Variants in KIAA2012 observed in about 807,000 individuals in gnomAD.
KIAA2012 encodes uncharacterized protein KIAA2012.
In KIAA2012, 125 loss-of-function variants were observed where a neutral mutation model predicts 150.6. That is an observed-to-expected ratio of 0.83 (90% CI 0.72 to 0.96). KIAA2012 has a LOEUF of 0.96. KIAA2012 is among the 40% of genes least tolerant of loss of function. KIAA2012 has a pLI of 0.00. For synonymous variants in KIAA2012, 462 were observed against 504.7 expected (o/e 0.92, Z 1.13); for missense variants, 1,219 against 1,354.9 (o/e 0.90, Z 1.57).
intron 2 of KIAA2012, among the ~76,000 whole-genome samples, chr2:202,090,344 T>C (rs1337033227): frequency 2.0e-5 from 3 of 152,244 alleles, no homozygotes; most frequent in Non-Finnish European, 4.4e-5. Flanking sequence ...CCCATGAACA[T>C]GGACATGATT....
At chr2:202,141,055 G>C in intron 13 of KIAA2012, among the ~76,000 whole-genome samples, 1 of 152,226 alleles carries the variant, frequency 6.6e-6, no homozygotes, top group East Asian at 1.9e-4. Context: ...TCTCTGGCGT[G>C]TGGGTTGGAG....
Position 202,181,835 on chromosome 2 carries a change from A to G in KIAA2012, c.2120-2918A>G, listed in dbSNP as rs147768701. Among the ~76,000 whole-genome samples, 856 of 152,208 alleles carry G rather than the reference A, an allele frequency of 5.6e-3. 10 individuals carry two copies. Among genetic ancestry groups the G allele is most frequent in the Middle Eastern group, 0.01 (3 of 292 alleles). On this transcript the variant is annotated intron_variant, in intron 15 of 23. Transcript: ENST00000498697. ...GTTTAGGCACTTTCCTTGTATTAACATATCTCTTGCTACTTTTTTAAAGCA... is the reference window on the plus strand; with the variant it reads ...GTTTAGGCACTTTCCTTGTATTAACGTATCTCTTGCTACTTTTTTAAAGCA...
intron 7 of KIAA2012, among the ~76,000 whole-genome samples, chr2:202,102,356 CAAAG>C (rs1308131255): frequency 6.6e-6 from 1 of 152,158 alleles, no homozygotes; most frequent in Non-Finnish European, 1.5e-5. Context: ...AGTCTACTCT[CAAAG>C]AAATATGGAA....
chr2:202,146,354 C>T (rs940749009), intron 13 of KIAA2012, among the ~76,000 whole-genome samples: 4 of 151,978 alleles, frequency 2.6e-5, no homozygotes, highest in Non-Finnish European at 4.4e-5. Flanking sequence ...AAGTAGCAGC[C>T]GGGTGCAGTG....
intron 12 of KIAA2012, among the ~76,000 whole-genome samples, chr2:202,128,414 T>C (rs995728980): frequency 7.4e-5 from 11 of 149,340 alleles, no homozygotes; most frequent in African/African-American, 2.5e-4. Flanking sequence ...TACAGGTGCT[T>C]GCCATCATGC....
chr2:202,199,753 T>C (rs559019281), intron 22 of KIAA2012, among the ~76,000 whole-genome samples: 1 of 152,226 alleles, frequency 6.6e-6, no homozygotes, highest in South Asian at 2.1e-4. Flanking sequence ...GCATTCACAA[T>C]ATGACCCTAT....
intron 2 of KIAA2012, among the ~76,000 whole-genome samples, chr2:202,090,539 G>A (rs1689691881): frequency 6.6e-6 from 1 of 152,212 alleles, no homozygotes; most frequent in Admixed American, 6.5e-5. Context: ...ATGGGATCTG[G>A]TATATGTCAT....
At position 202,097,540 on chromosome 2, in the gene KIAA2012, G is replaced by A. The variant is rs1689921930; in HGVS notation, c.791G>A (p.Arg264Lys). ...GSQGTRLPPR[R>K]KQPWQEDETQ... Reference sequence around the variant, plus strand: ...CAGGGGACTCGCTTGCCACCACGCAGGAAGCAGCCCTGGCAGGAAGATGAA... The same window carrying A: ...CAGGGGACTCGCTTGCCACCACGCAAGAAGCAGCCCTGGCAGGAAGATGAA... The change falls in exon 5 of 24, where the codon AGG becomes AAG. Residue 264 changes from arginine (R) to lysine (K), a missense_variant. Physicochemically the swap from Arg to Lys is conservative, Grantham distance 26. Transcript: ENST00000498697. 6.5e-7 allele frequency: 1 copy of A among 1,550,260 alleles called. No individual in the cohort carries two copies. Among genetic ancestry groups the A allele is most frequent in the South Asian group, 1.2e-5 (1 of 84,048 alleles).
In KIAA2012 at chr2:202,190,302, G is replaced by A. The variant is rs1179429928; in HGVS notation, c.2620G>A (p.Glu874Lys). Reference protein sequence around the residue: ...ELSGPDVSYEETEDTSNRGSF... With the variant: ...ELSGPDVSYEKTEDTSNRGSF... ...GAGCGGGCCTGATGTCAGCTATGAG[G>A]AAACAGAAGACACCTCAAATAGAGG... The change falls in exon 19 of 24, where the codon GAA becomes AAA. Residue 874 changes from glutamate to lysine, a missense_variant. Coordinates refer to ENST00000498697, the MANE Select transcript of KIAA2012 (RefSeq NM_001277372.4). 3 of 1,550,578 alleles carry A rather than the reference G, an allele frequency of 1.9e-6. No homozygotes were observed. Among genetic ancestry groups the A allele is most frequent in the South Asian group, 2.4e-5 (2 of 84,050 alleles).
At chr2:202,079,628 G>A (rs576046366) in intron 2 of KIAA2012, among the ~76,000 whole-genome samples, 16 of 152,234 alleles carry the variant, frequency 1.1e-4, no homozygotes, top group East Asian at 1.9e-4. Flanking sequence ...AACTCCTTAC[G>A]GGTAAAGATA....
intron 2 of KIAA2012, among the ~76,000 whole-genome samples, chr2:202,083,232 T>C (rs1689489393): frequency 6.6e-6 from 1 of 152,220 alleles, no homozygotes; most frequent in South Asian, 2.1e-4. Flanking sequence ...AGAGTTATCA[T>C]TTGCACAGAA....
chr2:202,099,820 A>T, intron 6 of KIAA2012, 24 bp downstream of exon 6: 1 of 1,536,298 alleles, frequency 6.5e-7, no homozygotes, highest in South Asian at 1.2e-5. Context: ...TGTCTTGCTC[A>T]TTGATCTGGG....
Position 202,100,287 on chromosome 2 carries a change from T to C in KIAA2012, c.1013-20T>C, listed in dbSNP as rs915171618. On this transcript the variant is annotated intron_variant, in intron 6 of 23. Coordinates refer to ENST00000498697, the MANE Select transcript of KIAA2012 (RefSeq NM_001277372.4). The stretch of plus-strand genomic sequence containing the variant: ...CCTACCTGCAATTAATATATTCTCA[T>C]TCTCATCCTGTTTTTAAAGATAAAC... 1.3e-6 allele frequency: 2 copies of C among 1,547,624 alleles called. No homozygotes were observed. Among genetic ancestry groups the C allele is most frequent in the African/African-American group, 1.4e-5 (1 of 72,964 alleles).
chr2:202,098,157 C>G (rs547312696), intron 5 of KIAA2012, among the ~76,000 whole-genome samples: 1 of 152,138 alleles, frequency 6.6e-6, no homozygotes, highest in South Asian at 2.1e-4. Flanking sequence ...GCCAGGAGTT[C>G]GAGACCAGCC....
At chr2:202,110,155 G>A (rs1368480953) in intron 10 of KIAA2012, among the ~76,000 whole-genome samples, 1 of 152,158 alleles carries the variant, frequency 6.6e-6, no homozygotes, top group Non-Finnish European at 1.5e-5. Context: ...AGAGCCCGAT[G>A]AGCCTGCCAA....
chr2:202,161,943 ATT>A (rs1691666807), intron 14 of KIAA2012, among the ~76,000 whole-genome samples: 1 of 152,118 alleles, frequency 6.6e-6, no homozygotes, highest in South Asian at 2.1e-4. Context: ...ACCAAGTATT[ATT>A]ACCTGTTTCC....
In KIAA2012 at chr2:202,117,688, C is replaced by T. The variant is rs199598203; in HGVS notation, c.1762+4242C>T. 1.9e-3 allele frequency among the ~76,000 whole-genome samples: 293 copies of T among 152,248 alleles called. 1 individual carries two copies. Among genetic ancestry groups the T allele is most frequent in the African/African-American group, 6.6e-3 (275 of 41,528 alleles). On this transcript the variant is annotated intron_variant, in intron 11 of 23. Coordinates refer to ENST00000498697, the MANE Select transcript of KIAA2012 (RefSeq NM_001277372.4). Reference sequence around the variant, plus strand: ...GATCCAGTCCTCACAGCACATGTCCCGTCGAACTCCAATTCCTCAGAAGGT... The same window carrying T: ...GATCCAGTCCTCACAGCACATGTCCTGTCGAACTCCAATTCCTCAGAAGGT...
intron 22 of KIAA2012, among the ~76,000 whole-genome samples, chr2:202,200,024 C>T (rs141434313): frequency 6.7e-6 from 1 of 149,998 alleles, no homozygotes; most frequent in Non-Finnish European, 1.5e-5. Context: ...TCTGCCTCCC[C>T]GGTTCAAGCG....
At chr2:202,095,021 A>G (rs1266344260) in intron 4 of KIAA2012, among the ~76,000 whole-genome samples, 1 of 152,204 alleles carries the variant, frequency 6.6e-6, no homozygotes, top group Non-Finnish European at 1.5e-5. Context: ...CATTTATAAA[A>G]TGGAGATGAC....
Sources: allele counts gnomAD v4.1 joint callset (sites outside exome capture counted in the v4.1 genomes callset), GRCh38; gene constraint gnomAD v4.1.1; transcripts MANE v1.5; gene names NCBI Gene and HGNC (gene_info 2026-07-23, HGNC 2026-07-21).